Variants in LRP6 observed in about 807,000 individuals in gnomAD.
LRP6 encodes low-density lipoprotein receptor-related protein 6.
Under a neutral mutation model 184.1 loss-of-function variants are expected in LRP6, and 43 were observed. The observed-to-expected ratio is 0.23, with a 90% confidence interval of 0.18 to 0.30. The LOEUF (loss-of-function observed/expected upper bound fraction) is 0.30. Among genes scored for constraint, LRP6 ranks in the 10% least tolerant of loss-of-function variants. LRP6 has a pLI of 1.00. For missense variants in LRP6, 1,571 were observed against 2,005.3 expected, an observed-to-expected ratio of 0.78 and a Z score of 4.14; for synonymous variants, 719 against 684.9, an observed-to-expected ratio of 1.05 and a Z score of -0.78.
chr12:12,142,662 A>T (rs1394926193), intron 15 of LRP6, among the ~76,000 whole-genome samples: 1 of 152,196 alleles, frequency 6.6e-6, no homozygotes, highest in Middle Eastern at 3.2e-3. Context: ...AATACCTGAC[A>T]AGAAAAGAAA....
intron 3 of LRP6, among the ~76,000 whole-genome samples, chr12:12,196,559 C>A (rs1372483123): frequency 6.6e-6 from 1 of 151,718 alleles, no homozygotes; most frequent in Admixed American, 6.6e-5. Flanking sequence ...TATCCTGCAA[C>A]TTTACCAAAT....
chr12:12,151,264 G>A (rs982300763), intron 12 of LRP6, among the ~76,000 whole-genome samples: 3 of 152,022 alleles, frequency 2.0e-5, no homozygotes, highest in African/African-American at 7.2e-5. Flanking sequence ...TAATGACATA[G>A]CCACCTACCC....
At position 12,204,307 on chromosome 12, in the gene LRP6, G is replaced by C. The variant is rs113500476; in HGVS notation, c.450-907C>G. On this transcript the variant is annotated intron_variant, in intron 2 of 22. Coordinates refer to ENST00000261349, the MANE Select transcript of LRP6 (RefSeq NM_002336.3). Reference sequence around the variant, plus strand: ...AAAAAAAAAAAAAAAAAGGAGGGGGGGGTCAGGAACCAATCTAGACTGGAG... The same window carrying C: ...AAAAAAAAAAAAAAAAAGGAGGGGGCGGTCAGGAACCAATCTAGACTGGAG... Among the ~76,000 whole-genome samples the C allele has an allele frequency of 6.5e-3, 988 of 151,048 alleles. 4 individuals are homozygous for C. Among genetic ancestry groups the C allele is most frequent in the Middle Eastern group, 0.017 (5 of 294 alleles).
intron 1 of LRP6, among the ~76,000 whole-genome samples, chr12:12,253,333 T>C (rs1357865216): frequency 6.6e-6 from 1 of 152,112 alleles, no homozygotes; most frequent in Non-Finnish European, 1.5e-5. Context: ...CTTTTTTGGG[T>C]TGATTTTAGT....
At chr12:12,131,708 A>G (rs191002238) in intron 18 of LRP6, 113 bp downstream of exon 18, 201 of 821,308 alleles carry the variant, frequency 2.4e-4, no homozygotes, top group Non-Finnish European at 4.0e-4. Context: ...GAAGTGATAC[A>G]GTCATATGTA....
At chr12:12,262,978 G>T (rs1354200286) in intron 1 of LRP6, among the ~76,000 whole-genome samples, 4 of 152,016 alleles carry the variant, frequency 2.6e-5, no homozygotes, top group Admixed American at 2.6e-4. Context: ...TCTGGGCCAG[G>T]CGTGGTGGCT....
intron 20 of LRP6, 147 bp from the exon 21 acceptor site, chr12:12,125,579 C>T: frequency 1.3e-6 from 1 of 764,592 alleles, no homozygotes; most frequent in Non-Finnish European, 2.1e-6. Flanking sequence ...TAATTGAAAA[C>T]ATTTAATGGA....
chr12:12,179,933 T>A lies in LRP6; in HGVS notation c.1422A>T (p.Ala474=). The A allele has an allele frequency of 6.2e-7, 1 of 1,613,950 alleles. No homozygotes were observed. Among genetic ancestry groups the A allele is most frequent in the Non-Finnish European group, 8.5e-7 (1 of 1,179,884 alleles). The change falls in exon 7 of 23, where the codon GCA becomes GCT. Residue 474 remains alanine, a synonymous_variant. Coordinates refer to ENST00000261349, the MANE Select transcript of LRP6 (RefSeq NM_002336.3). ...CTACACGGTCAGAACCATCCAGAGC[T>A]GCTCGCTCAATTTTCGGAATTTCTC... ...DWGEIPKIER[A]ALDGSDRVVL... is the part of the protein sequence containing the mutation.
At chr12:12,259,405 A>G (rs1865556712) in intron 1 of LRP6, among the ~76,000 whole-genome samples, 1 of 152,132 alleles carries the variant, frequency 6.6e-6, no homozygotes, top group Non-Finnish European at 1.5e-5. Flanking sequence ...TGCATCCCCA[A>G]TCTCCTCCTG....
chr12:12,264,688 T>C (rs1865712623), intron 1 of LRP6, among the ~76,000 whole-genome samples: 1 of 152,186 alleles, frequency 6.6e-6, no homozygotes. Context: ...TAACAGAGGA[T>C]GACATTCTCA....
Position 12,159,076 on chromosome 12 carries a change from C to G in LRP6, c.2544G>C (p.Thr848=). 6.2e-7 allele frequency: 1 copy of G among 1,614,088 alleles called. No individual in the cohort carries two copies. The highest frequency in any genetic ancestry group is 8.5e-7 in the Non-Finnish European group (1 of 1,180,012). Residue 848 remains threonine (T), a synonymous_variant, in exon 12 of 23, where the codon ACG becomes ACC. Coordinates refer to ENST00000261349, the MANE Select transcript of LRP6 (RefSeq NM_002336.3). ...GCTCAATGCTGCGTCGGCTCCAGTC[C>G]GTCCAGTAGATATAATCTTGGTACT... ...LTQYQDYIYW[T]DWSRRSIERA...
Position 12,126,749 on chromosome 12 carries a change from T to A in LRP6, c.4254A>T (p.Pro1418=). The change falls in exon 20 of 23, where the codon CCA becomes CCT. Residue 1418 remains proline (P), a synonymous_variant. Coordinates refer to ENST00000261349, the MANE Select transcript of LRP6 (RefSeq NM_002336.3). ...GCACATAACCAAGAGGCACAGAAGC[T>A]GGTCCATGAACTACATAGTCATTAG... ...TMTNDYVVHG[P]ASVPLGYVPH... is the part of the protein sequence containing the mutation. The A allele has an allele frequency of 6.2e-7, 1 of 1,614,120 alleles. No individual in the cohort carries two copies.
chr12:12,140,874 T>G (rs186894031), intron 15 of LRP6, among the ~76,000 whole-genome samples: 1 of 152,262 alleles, frequency 6.6e-6, no homozygotes, highest in Non-Finnish European at 1.5e-5. Context: ...AGTGCTGGGA[T>G]TACAGGCGTG....
At chr12:12,250,859 TG>T (rs1215343597) in intron 1 of LRP6, among the ~76,000 whole-genome samples, 2 of 152,004 alleles carry the variant, frequency 1.3e-5, no homozygotes, top group Non-Finnish European at 2.9e-5. Context: ...TAACTTCAAA[TG>T]ATCCACCCAC....
intron 1 of LRP6, chr12:12,249,312 A>C (rs1389571799): frequency 8.8e-7 from 1 of 1,139,296 alleles, no homozygotes; most frequent in East Asian, 2.3e-5. Flanking sequence ...TATCAGTGCT[A>C]GCAAAATGGC....
chr12:12,129,629 T>G (rs1182433621), intron 19 of LRP6, among the ~76,000 whole-genome samples: 1 of 151,972 alleles, frequency 6.6e-6, no homozygotes, highest in Non-Finnish European at 1.5e-5. Context: ...CTCGGCTCAC[T>G]GCAACCTCCA....
intron 7 of LRP6, among the ~76,000 whole-genome samples, chr12:12,176,970 C>T (rs572838196): frequency 2.4e-4 from 37 of 151,658 alleles, no homozygotes; most frequent in Non-Finnish European, 1.5e-5. Context: ...GCCTCAGCCT[C>T]CCGAGTAGCT....
At chr12:12,125,231 T>A (rs1949656549) in intron 21 of LRP6, 65 bp downstream of exon 21, 1 of 1,588,968 alleles carries the variant, frequency 6.3e-7, no homozygotes, top group South Asian at 1.1e-5. Context: ...ATCACCCACA[T>A]TTAAATGAGT....
chr12:12,123,116 G>T (rs1949625946), intron 22 of LRP6, among the ~76,000 whole-genome samples: 2 of 151,806 alleles, frequency 1.3e-5, no homozygotes, highest in African/African-American at 4.8e-5. Flanking sequence ...CTCAACAAAT[G>T]ATGTAAGTTT....
Sources: gnomAD v4.1 joint callset for allele counts (sites outside exome capture counted in the v4.1 genomes callset) on GRCh38, gnomAD v4.1.1 for gene constraint, MANE v1.5 for transcripts, NCBI Gene and HGNC (gene_info 2026-07-23, HGNC 2026-07-21) for gene names.